Variants in DLGAP2 observed in about 807,000 individuals in gnomAD.
DLGAP2 encodes disks large-associated protein 2.
Under a neutral mutation model 100.3 loss-of-function variants are expected in DLGAP2, and 26 were observed. The ratio of observed to expected loss-of-function variants is 0.26; its 90% CI spans 0.19 to 0.36. DLGAP2 has a LOEUF of 0.36. DLGAP2 is among the 10% of genes least tolerant of loss of function. The pLI is 1.00. For synonymous variants in DLGAP2, 886 were observed against 630.1 expected (o/e 1.41, Z -6.08); for missense variants, 1,858 against 1,453.2 (o/e 1.28, Z -4.53).
rs1290584219 is a variant in DLGAP2, at chr8:1,344,203, C to G, written c.106+85320C>G. On this transcript the variant is annotated intron_variant, in intron 3 of 14. Coordinates refer to ENST00000637795, the MANE Select transcript of DLGAP2 (RefSeq NM_001346810.2). ...TGTCGTGGGTCCGTGTACTCGGGGC[C>G]CTGTCGTGGGGCCTGTGCCGTGTAG... is the stretch of plus-strand genomic sequence containing the variant. Among the ~76,000 whole-genome samples, 12 of 148,732 alleles carry G rather than the reference C, an allele frequency of 8.1e-5. No homozygotes were observed. In the East Asian group the frequency reaches 9.7e-4, roughly 12 times the overall value.
At chr8:1,366,540 T>G (rs1003005866) in intron 3 of DLGAP2, among the ~76,000 whole-genome samples, 1 of 152,074 alleles carries the variant, frequency 6.6e-6, no homozygotes, top group Non-Finnish European at 1.5e-5. Context: ...GCGGCTGACC[T>G]GGGACAAGGC....
At chr8:802,491 C>A (rs1384321945) in intron 1 of DLGAP2, among the ~76,000 whole-genome samples, 2 of 152,196 alleles carry the variant, frequency 1.3e-5, no homozygotes, top group Non-Finnish European at 2.9e-5. Context: ...TGCTGCTTCT[C>A]AACTTGCTGG....
At chr8:906,860 T>C (rs1798391375) in intron 1 of DLGAP2, among the ~76,000 whole-genome samples, 1 of 152,252 alleles carries the variant, frequency 6.6e-6, no homozygotes, top group Admixed American at 6.5e-5. Context: ...TCTGTCTCTG[T>C]TGATTTGCAC....
intron 1 of DLGAP2, among the ~76,000 whole-genome samples, chr8:757,284 G>C (rs553098599): frequency 1.3e-5 from 2 of 152,172 alleles, no homozygotes; most frequent in Non-Finnish European, 2.9e-5. Flanking sequence ...TATAGAATAT[G>C]TAAAATACCG....
chr8:793,742 T>C (rs1222503838), intron 1 of DLGAP2, among the ~76,000 whole-genome samples: 1 of 152,260 alleles, frequency 6.6e-6, no homozygotes, highest in Non-Finnish European at 1.5e-5. Flanking sequence ...TGTTCTCCTG[T>C]GTGCCCAGGC....
intron 1 of DLGAP2, among the ~76,000 whole-genome samples, chr8:832,496 A>C (rs1183991523): frequency 6.6e-6 from 1 of 152,184 alleles, no homozygotes; most frequent in Non-Finnish European, 1.5e-5. Context: ...TCTGTAAGTC[A>C]AGGCTCTGCT....
At chr8:769,849 T>C (rs1381711355) in intron 1 of DLGAP2, among the ~76,000 whole-genome samples, 4 of 152,100 alleles carry the variant, frequency 2.6e-5, no homozygotes, top group Admixed American at 2.0e-4. Context: ...TCCACGGACA[T>C]GTTACGGAAA....
chr8:980,848 G>C (rs920071274), intron 2 of DLGAP2, among the ~76,000 whole-genome samples: 1 of 152,184 alleles, frequency 6.6e-6, no homozygotes, highest in Non-Finnish European at 1.5e-5. Flanking sequence ...ACAACGGGCA[G>C]CAGTTAGGGA....
At chr8:928,773 G>A (rs1010610545) in intron 2 of DLGAP2, among the ~76,000 whole-genome samples, 13 of 152,042 alleles carry the variant, frequency 8.6e-5, no homozygotes, top group African/African-American at 3.1e-4. Context: ...AAGATTCACA[G>A]AGCCTTCGAG....
At chr8:1,010,974 G>A (rs150701017) in intron 2 of DLGAP2, among the ~76,000 whole-genome samples, 2 of 143,074 alleles carry the variant, frequency 1.4e-5, no homozygotes, top group South Asian at 2.1e-4. Context: ...GCCTCAGTCT[G>A]CATGGTGAGC....
chr8:918,389 C>T (rs1798639163), intron 2 of DLGAP2, among the ~76,000 whole-genome samples: 1 of 152,198 alleles, frequency 6.6e-6, no homozygotes, highest in Non-Finnish European at 1.5e-5. Flanking sequence ...GTCTGACAAC[C>T]TGTGTCGCTT....
chr8:1,088,367 T>C (rs914531989), intron 2 of DLGAP2, among the ~76,000 whole-genome samples: 3 of 143,838 alleles, frequency 2.1e-5, no homozygotes, highest in African/African-American at 7.8e-5. Flanking sequence ...CACAGGACTT[T>C]CTAAGCAAGG....
chr8:1,229,829 A>G (rs1048682533), intron 2 of DLGAP2, among the ~76,000 whole-genome samples: 5 of 152,170 alleles, frequency 3.3e-5, no homozygotes, highest in African/African-American at 1.2e-4. Context: ...CCCTTTCATG[A>G]TAAAAACCCT....
chr8:1,345,694 G>C (rs1801538639), intron 3 of DLGAP2, among the ~76,000 whole-genome samples: 1 of 152,212 alleles, frequency 6.6e-6, no homozygotes, highest in South Asian at 2.1e-4. Context: ...AAAATGCACA[G>C]AGGGTGGTGA....
intron 2 of DLGAP2, among the ~76,000 whole-genome samples, chr8:995,400 C>T (rs1333000602): frequency 6.6e-6 from 1 of 152,168 alleles, no homozygotes; most frequent in Non-Finnish European, 1.5e-5. Context: ...CATTTTATTT[C>T]TTGAAAGATG....
intron 3 of DLGAP2, among the ~76,000 whole-genome samples, chr8:1,270,187 G>C (rs1415276130): frequency 6.6e-6 from 1 of 152,136 alleles, no homozygotes; most frequent in Non-Finnish European, 1.5e-5. Context: ...CCGTGTGCAG[G>C]ATGCTGTGTA....
intron 3 of DLGAP2, among the ~76,000 whole-genome samples, chr8:1,421,361 A>T (rs930581040): frequency 1.3e-5 from 2 of 152,162 alleles, no homozygotes; most frequent in Non-Finnish European, 2.9e-5. Context: ...TGTTTGAGTG[A>T]AGTTGTGACT....
intron 2 of DLGAP2, among the ~76,000 whole-genome samples, chr8:1,231,297 A>G (rs1798529919): frequency 2.0e-5 from 3 of 152,374 alleles, no homozygotes; most frequent in Middle Eastern, 6.8e-3. Flanking sequence ...ATACCATCTC[A>G]CGCCAGTCAG....
rs142918588 is a variant in DLGAP2, at chr8:1,447,832, G to A, written c.107-53534G>A. Among the ~76,000 whole-genome samples, 156 of 152,300 alleles carry A rather than the reference G, an allele frequency of 1.0e-3. 4 individuals are homozygous for A. In the East Asian group the frequency reaches 0.028, roughly 28 times the overall value. On this transcript the variant is annotated intron_variant, in intron 3 of 14. Transcript: ENST00000637795. Reference sequence around the variant, plus strand: ...AGTCTTGGGACAGTGTATGTGTTGAGGAATTTATCCATTTCTTCTAGATTT... The same window carrying A: ...AGTCTTGGGACAGTGTATGTGTTGAAGAATTTATCCATTTCTTCTAGATTT...
Sources: allele counts gnomAD v4.1 joint callset (sites outside exome capture counted in the v4.1 genomes callset), GRCh38; gene constraint gnomAD v4.1.1; transcripts MANE v1.5; gene names NCBI Gene and HGNC (gene_info 2026-07-23, HGNC 2026-07-21).